MPC2: variants seen among roughly 807,000 people sequenced by gnomAD.
MPC2 encodes mitochondrial pyruvate carrier 2.
In MPC2, 19 loss-of-function variants were observed where a neutral mutation model predicts 19.2. The observed-to-expected ratio is 0.99, with a 90% CI of 0.69 to 1.45. MPC2 has a LOEUF of 1.45. Ranked by LOEUF, MPC2 falls within the 40% of genes most tolerant of loss-of-function variation. The probability of loss-of-function intolerance (pLI) is 0.00; values close to 1 mark genes in which losing one functional copy is unlikely to be tolerated. For missense variants in MPC2, 122 were observed against 153.0 expected (o/e 0.80, Z 1.07); for synonymous variants, 61 against 54.3 (o/e 1.12, Z -0.54).
At chr1:167,936,235 C>T in intron 1 of MPC2, 2 of 239,994 alleles carry the variant, frequency 8.3e-6, no homozygotes, top group Non-Finnish European at 1.7e-5. Context: ...CGGAAACCTC[C>T]TCCTTCTCCC....
In MPC2 at chr1:167,918,284, T is replaced by C; in HGVS notation, c.*39A>G. On this transcript the variant is annotated 3_prime_UTR_variant, in exon 6 of 6. Coordinates refer to ENST00000271373, the MANE Select transcript of MPC2 (RefSeq NM_001143674.4). ...AATAATAAACTAGGTCCCAATGGTTTTGTCCACATCTAGATTGTTCAGGTG... is the reference window on the plus strand; with the variant it reads ...AATAATAAACTAGGTCCCAATGGTTCTGTCCACATCTAGATTGTTCAGGTG... 6.6e-7 allele frequency: 1 copy of C among 1,505,706 alleles called. No homozygotes were observed. Among genetic ancestry groups the C allele is most frequent in the Non-Finnish European group, 9.1e-7 (1 of 1,099,174 alleles). 93.3% of individuals were successfully genotyped at this position (1,505,706 alleles called of 1,614,324 possible).
intron 3 of MPC2, 35 bp downstream of exon 3, chr1:167,924,462 T>C: frequency 6.4e-7 from 1 of 1,572,018 alleles, no homozygotes. Flanking sequence ...AAGGAATTTG[T>C]CTTTCAGTAG....
intron 3 of MPC2, among the ~76,000 whole-genome samples, chr1:167,921,498 A>G (rs1670599663): frequency 6.6e-6 from 1 of 152,192 alleles, no homozygotes; most frequent in African/African-American, 2.4e-5. Flanking sequence ...CTGGGATTAC[A>G]GGTGTGAGCC....
chr1:167,924,089 C>T (rs912856351), intron 3 of MPC2, among the ~76,000 whole-genome samples: 1 of 152,174 alleles, frequency 6.6e-6, no homozygotes, highest in African/African-American at 2.4e-5. Flanking sequence ...TCGAATAAAT[C>T]CATCTACTTT....
At chr1:167,918,687 G>A (rs1206848870) in intron 5 of MPC2, among the ~76,000 whole-genome samples, 6 of 147,258 alleles carry the variant, frequency 4.1e-5, no homozygotes, top group African/African-American at 1.0e-4. Flanking sequence ...TCTGCCTCCC[G>A]GGTTCACGCC....
At chr1:167,919,112 G>A (rs1670539225) in intron 5 of MPC2, among the ~76,000 whole-genome samples, 1 of 152,130 alleles carries the variant, frequency 6.6e-6, no homozygotes, top group South Asian at 2.1e-4. Flanking sequence ...ATATACTAAA[G>A]TAATCACTAA....
At position 167,920,012 on chromosome 1, in the gene MPC2, G is replaced by A. The variant is rs750120214; in HGVS notation, c.314C>T (p.Ala105Val). 1.2e-6 allele frequency: 2 copies of A among 1,613,164 alleles called. No homozygotes were observed. The highest frequency in any genetic ancestry group is 1.7e-6 in the Non-Finnish European group (2 of 1,179,558). ...ACGAAAAAGCTGAGAGGCTCCTGCT[G>A]CCCCCACAAAGAAATTAACAGCAAA... Reference protein sequence around the residue: ...SLFAVNFFVGAAGASQLFRIW... With the variant: ...SLFAVNFFVGVAGASQLFRIW... The change falls in exon 5 of 6, where the codon GCA (alanine) becomes GTA (valine). Residue 105 changes from alanine to valine, a missense_variant. Coordinates refer to ENST00000271373, the MANE Select transcript of MPC2 (RefSeq NM_001143674.4).
chr1:167,919,023 A>G (rs1670537488), intron 5 of MPC2, among the ~76,000 whole-genome samples: 1 of 152,220 alleles, frequency 6.6e-6, no homozygotes, highest in Admixed American at 6.5e-5. Flanking sequence ...AAAATTTAGT[A>G]AAATGTGGTC....
At chr1:167,931,693 T>C (rs1397539633) in intron 2 of MPC2, among the ~76,000 whole-genome samples, 1 of 152,104 alleles carries the variant, frequency 6.6e-6, no homozygotes, top group Admixed American at 6.5e-5. Flanking sequence ...CATTATTTGA[T>C]CCATATTAGA....
intron 1 of MPC2, chr1:167,936,154 C>T (rs1215919643): frequency 9.1e-6 from 3 of 330,688 alleles, no homozygotes; most frequent in Admixed American, 4.6e-5. Context: ...CTGCGCCCTG[C>T]TGGCAGCGCG....
rs1298972592 is a variant in MPC2, at chr1:167,925,478, T to TATATATAC, written c.110-942_110-941insGTATATAT. Among the ~76,000 whole-genome samples, 633 of 122,330 alleles carry TATATATAC rather than the reference T, an allele frequency of 5.2e-3. 1 individual carries two copies. Among genetic ancestry groups the TATATATAC allele is most frequent in the Non-Finnish European group, 7.3e-3 (444 of 60,622 alleles). 80.3% of individuals were successfully genotyped at this position (122,330 alleles called of 152,430 possible). On this transcript the variant is annotated intron_variant, in intron 2 of 5. Transcript: ENST00000271373. ...ATATATATATATATATATATATACA[T>TATATATAC]ATACATATACACACACATATATATA...
chr1:167,925,718 T>C (rs1159311502), intron 2 of MPC2, among the ~76,000 whole-genome samples: 3 of 151,444 alleles, frequency 2.0e-5, no homozygotes, highest in African/African-American at 7.3e-5. Flanking sequence ...GGCTAATTTT[T>C]TTGTATCTTT....
intron 5 of MPC2, among the ~76,000 whole-genome samples, chr1:167,919,262 A>G (rs181771725): frequency 7.8e-4 from 119 of 152,360 alleles, no homozygotes; most frequent in African/African-American, 2.8e-3. Context: ...AAGTAACCAC[A>G]GAGCCATAGT....
chr1:167,927,491 C>T (rs754475705), intron 2 of MPC2, among the ~76,000 whole-genome samples: 6 of 152,192 alleles, frequency 3.9e-5, no homozygotes, highest in Non-Finnish European at 7.3e-5. Context: ...AATCAAGAGT[C>T]AGTCCATGTA....
intron 2 of MPC2, among the ~76,000 whole-genome samples, chr1:167,925,519 CGTTTTTT>C: frequency 9.0e-6 from 1 of 111,326 alleles, no homozygotes; most frequent in South Asian, 3.0e-4. Flanking sequence ...ATACAAACAA[CGTTTTTT>C]TTTTTTGGTT....
At chr1:167,936,584 A>C (rs1353787340) in intron 1 of MPC2, 2 of 305,056 alleles carry the variant, frequency 6.6e-6, no homozygotes, top group Non-Finnish European at 1.2e-5. Flanking sequence ...GTTGGCGGGG[A>C]GGGTATCCAG....
At chr1:167,934,030 C>T (rs527800844) in intron 2 of MPC2, among the ~76,000 whole-genome samples, 30 of 152,270 alleles carry the variant, frequency 2.0e-4, no homozygotes, top group African/African-American at 7.2e-4. Flanking sequence ...AAGACTGAAA[C>T]GTAGGTCTAT....
intron 2 of MPC2, among the ~76,000 whole-genome samples, chr1:167,924,912 G>C (rs1388226001): frequency 6.6e-6 from 1 of 152,078 alleles, no homozygotes; most frequent in Non-Finnish European, 1.5e-5. Context: ...CCCCATTTTT[G>C]TGCATTTTGG....
At chr1:167,936,650 G>A in intron 1 of MPC2, 1 of 404,946 alleles carries the variant, frequency 2.5e-6, no homozygotes, top group Middle Eastern at 6.7e-4. Flanking sequence ...CCTGTTGGAG[G>A]GGGGCTGAGG....
Sources: allele counts gnomAD v4.1 joint callset (sites outside exome capture counted in the v4.1 genomes callset), GRCh38; gene constraint gnomAD v4.1.1; transcripts MANE v1.5; gene names NCBI Gene and HGNC (gene_info 2026-07-23, HGNC 2026-07-21).